The following PRDM6 variants were observed in gnomAD, a reference collection of about 807,000 sequenced individuals.
The protein encoded by PRDM6 is PR/SET domain 6, also known as putative histone-lysine N-methyltransferase PRDM6.
In PRDM6, 25 loss-of-function variants were observed where a neutral mutation model predicts 60.8. The observed-to-expected ratio is 0.41, with a 90% confidence interval of 0.30 to 0.57. The LOEUF is 0.57. Ranked by LOEUF, PRDM6 falls within the 20% of genes least tolerant of loss-of-function variation. The pLI, the probability that PRDM6 is intolerant of heterozygous loss-of-function variation, is 0.27. For missense variants in PRDM6, 839 were observed against 821.3 expected, an observed-to-expected ratio of 1.02 and a Z score of -0.26; for synonymous variants, 407 against 357.4, an observed-to-expected ratio of 1.14 and a Z score of -1.57.
chr5:123,130,156 C>A (rs1249675160), intron 3 of PRDM6, among the ~76,000 whole-genome samples: 2 of 37,330 alleles, frequency 5.4e-5, no homozygotes, highest in East Asian at 1.3e-3. Flanking sequence ...CCTTCCCTCC[C>A]CTCCCCTCCC....
rs139562705 is a variant in PRDM6 at position 123,171,291 on chromosome 5, A to G, written c.1496+183A>G. 5.3e-3 allele frequency among the ~76,000 whole-genome samples: 809 copies of G among 152,350 alleles called. 8 individuals are homozygous for G. The highest frequency in any genetic ancestry group is 0.018 in the African/African-American group (759 of 41,584). On this transcript the variant is annotated intron_variant, in intron 6 of 7. Transcript: ENST00000407847. ...TCTTGCATATAAGGGCTGCACAGAC[A>G]GGTTGGTGGCTGCAGAGAGGAATCT... is the stretch of plus-strand genomic sequence containing the variant.
At position 123,090,185 on chromosome 5, in the gene PRDM6, G is replaced by T; in HGVS notation, c.171G>T (p.Pro57=). ...PQPLQPPPPP[P]PPERAEPPPD... ...CTCTTCAGCCGCCGCCGCCGCCCCC[G>T]CCCCCGGAGCGCGCTGAGCCTCCGC... is the stretch of plus-strand genomic sequence containing the variant. Residue 57 remains proline (P), a synonymous_variant, in exon 2 of 8, where the codon CCG becomes CCT. Coordinates refer to ENST00000407847, the MANE Select transcript of PRDM6 (RefSeq NM_001136239.4). 1 of 1,484,204 alleles carries T rather than the reference G, an allele frequency of 6.7e-7. No homozygotes were observed. The highest frequency in any genetic ancestry group is 1.5e-5 in the African/African-American group (1 of 67,792). 91.9% of individuals were successfully genotyped at this position (1,484,204 alleles called of 1,614,324 possible).
Position 123,170,970 on chromosome 5 carries a change from T to C in PRDM6, c.1358T>C (p.Val453Ala). 1 of 1,551,682 alleles carries C rather than the reference T, an allele frequency of 6.4e-7. No homozygotes were observed. The highest frequency in any genetic ancestry group is 1.2e-5 in the South Asian group (1 of 84,044). Residue 453 changes from valine (V) to alanine (A), a missense_variant, in exon 6 of 8, where the codon GTC becomes GCC. This residue lies in a region of PRDM6 where 730 missense variants were observed against 648.8 expected (regional missense o/e 1.13). Transcript: ENST00000407847. ...CAAATCAACGTGAAAAACCAGCGAGTCCTGGCAAGCCCAACTTCCACAAGC... is the reference window on the plus strand; with the variant it reads ...CAAATCAACGTGAAAAACCAGCGAGCCCTGGCAAGCCCAACTTCCACAAGC... The part of the protein sequence containing the change: ...FNQINVKNQR[V>A]LASPTSTSQL...
chr5:123,138,509 T>A (rs1765022144), intron 3 of PRDM6, among the ~76,000 whole-genome samples: 1 of 152,238 alleles, frequency 6.6e-6, no homozygotes, highest in Non-Finnish European at 1.5e-5. Flanking sequence ...AGCAACTATA[T>A]TTTTGAAACA....
chr5:123,143,716 G>A (rs1048991079), intron 3 of PRDM6, among the ~76,000 whole-genome samples: 1 of 152,086 alleles, frequency 6.6e-6, no homozygotes, highest in Admixed American at 6.6e-5. Flanking sequence ...AGGCTTGTTT[G>A]GAGTCCTGGG....
intron 3 of PRDM6, among the ~76,000 whole-genome samples, chr5:123,108,096 T>C (rs556111326): frequency 6.6e-6 from 1 of 152,290 alleles, no homozygotes; most frequent in South Asian, 2.1e-4. Flanking sequence ...TGTACATTTA[T>C]TTAGTAAACC....
rs199651632 is a variant in PRDM6 at position 123,166,442 on chromosome 5, T to TG, written c.1154-4323dup. ...TGTATTTTGTCAATTCTAAAATTTATGTTTTTGTTTTTTATTTTACATTTT... is the reference window on the plus strand; with the variant it reads ...TGTATTTTGTCAATTCTAAAATTTATGGTTTTTGTTTTTTATTTTACATTTT... On this transcript the variant is annotated intron_variant, in intron 5 of 7. Coordinates refer to ENST00000407847, the MANE Select transcript of PRDM6 (RefSeq NM_001136239.4). Among the ~76,000 whole-genome samples the TG allele has an allele frequency of 2.2e-3, 301 of 138,494 alleles. 1 individual carries two copies. Among genetic ancestry groups the TG allele is most frequent in the South Asian group, 0.011 (46 of 4,152 alleles). The allele number at this position is 138,494 out of a possible 152,430, so 90.9% of individuals were successfully genotyped here.
chr5:123,178,164 A>G (rs1423705077), intron 6 of PRDM6, among the ~76,000 whole-genome samples: 1 of 152,098 alleles, frequency 6.6e-6, no homozygotes, highest in African/African-American at 2.4e-5. Context: ...TCTGACTGTG[A>G]GAAATAAATC....
At chr5:123,154,488 T>G (rs1472245202) in intron 3 of PRDM6, among the ~76,000 whole-genome samples, 1 of 151,844 alleles carries the variant, frequency 6.6e-6, no homozygotes, top group East Asian at 1.9e-4. Flanking sequence ...TGGAGAGGAA[T>G]GAGTTCAAGA....
intron 3 of PRDM6, among the ~76,000 whole-genome samples, chr5:123,139,383 T>C (rs1765046608): frequency 6.6e-6 from 1 of 152,332 alleles, no homozygotes; most frequent in African/African-American, 2.4e-5. Flanking sequence ...GTGGATTCCG[T>C]ATTAGGCATA....
intron 3 of PRDM6, among the ~76,000 whole-genome samples, chr5:123,110,154 C>T (rs568689290): frequency 6.6e-6 from 1 of 151,772 alleles, no homozygotes; most frequent in East Asian, 1.9e-4. Context: ...TGACACTCTG[C>T]AGTTAGAAAT....
intron 3 of PRDM6, among the ~76,000 whole-genome samples, chr5:123,114,205 A>C (rs1025345859): frequency 6.6e-6 from 1 of 152,216 alleles, no homozygotes; most frequent in African/African-American, 2.4e-5. Flanking sequence ...TCAGCCTTTC[A>C]TTGGTGGGGC....
intron 5 of PRDM6, 125 bp from the exon 6 acceptor site, chr5:123,170,641 A>T: frequency 1.4e-6 from 1 of 722,954 alleles, no homozygotes; most frequent in Non-Finnish European, 2.3e-6. Flanking sequence ...TTGTTATGTT[A>T]ATTCTGAGTC....
In PRDM6 at chr5:123,191,030, G is replaced by C. The variant is rs1190304185; in HGVS notation, c.*3829G>C. ...TTGGTTGTCTTTGCTTAACTCACTG[G>C]GCTATTGGTTGTTAGCAGCAGTATC... On this transcript the variant is annotated 3_prime_UTR_variant, in exon 8 of 8. Transcript: ENST00000407847. The C allele has an allele frequency of 1.3e-5, 2 of 152,086 alleles. No individual in the cohort carries two copies. The highest frequency in any genetic ancestry group is 2.9e-5 in the Non-Finnish European group (2 of 68,006). 9.4% of individuals were successfully genotyped at this position (152,086 alleles called of 1,614,324 possible).
chr5:123,186,834 C>T (rs335197), intron 7 of PRDM6, among the ~76,000 whole-genome samples: 7,727 of 152,290 alleles, frequency 0.051, 272 homozygotes, highest in Non-Finnish European at 0.077. Context: ...GTGATCAGAG[C>T]TGCAGCAGGA....
intron 3 of PRDM6, among the ~76,000 whole-genome samples, chr5:123,110,713 T>C (rs1764294089): frequency 6.6e-6 from 1 of 151,850 alleles, no homozygotes; most frequent in South Asian, 2.1e-4. Context: ...ATTACAGGCA[T>C]GCGCTACTAG....
At position 123,190,945 on chromosome 5, in the gene PRDM6, A is replaced by C. The variant is rs1766419415; in HGVS notation, c.*3744A>C. 1 of 152,240 alleles carries C rather than the reference A, an allele frequency of 6.6e-6. No individual in the cohort carries two copies. 9.4% of individuals were successfully genotyped at this position (152,240 alleles called of 1,614,324 possible). A position where few individuals can be genotyped will look rare whatever the true frequency, so the allele number is the denominator to read the frequency against. The stretch of plus-strand genomic sequence containing the variant: ...TGTTCCAACTGGGAAAATCTGAGAG[A>C]GGTAAATTCATCTGGGGACCAGAAA... On this transcript the variant is annotated 3_prime_UTR_variant, in exon 8 of 8. Transcript: ENST00000407847.
chr5:123,123,040 A>G (rs1561828623), intron 3 of PRDM6, among the ~76,000 whole-genome samples: 1 of 152,144 alleles, frequency 6.6e-6, no homozygotes, highest in Non-Finnish European at 1.5e-5. Flanking sequence ...TTTTATTGGT[A>G]TAAATTTTTT....
chr5:123,121,221 T>C (rs192668102), intron 3 of PRDM6, among the ~76,000 whole-genome samples: 8 of 152,366 alleles, frequency 5.3e-5, no homozygotes, highest in Admixed American at 1.3e-4. Flanking sequence ...TATGTTTTTA[T>C]AGAAATTTCA....
Sources: gnomAD v4.1 joint callset for allele counts (sites outside exome capture counted in the v4.1 genomes callset) on GRCh38, gnomAD v4.1.1 for gene constraint, gnomAD v4.1.1 regional missense constraint, MANE v1.5 for transcripts, NCBI Gene and HGNC (gene_info 2026-07-23, HGNC 2026-07-21) for gene names.